Variants in APBB2 observed in about 807,000 individuals in gnomAD.
APBB2 encodes the protein amyloid beta precursor protein binding family B member 2.
APBB2 carries 38 observed loss-of-function variants against 82.5 expected under a neutral mutation model. That is an observed-to-expected ratio of 0.46 (90% CI 0.36 to 0.60). The LOEUF (loss-of-function observed/expected upper bound fraction) is 0.60, where lower values mean the gene tolerates loss of function less well. APBB2 is among the 20% of genes least tolerant of loss of function. The probability of loss-of-function intolerance (pLI) is 0.00; values close to 1 mark genes in which losing one functional copy is unlikely to be tolerated. For synonymous variants in APBB2, 341 were observed against 368.2 expected (o/e 0.93, Z 0.85); for missense variants, 772 against 972.3 (o/e 0.79, Z 2.74).
intron 3 of APBB2, among the ~76,000 whole-genome samples, chr4:41,078,153 G>A (rs917741757): frequency 6.6e-6 from 1 of 151,914 alleles, no homozygotes; most frequent in Non-Finnish European, 1.5e-5. Flanking sequence ...AAGAATAAAA[G>A]AAAGATAAAC....
At chr4:41,171,271 A>G (rs1246951915) in intron 1 of APBB2, among the ~76,000 whole-genome samples, 1 of 152,228 alleles carries the variant, frequency 6.6e-6, no homozygotes, top group African/African-American at 2.4e-5. Flanking sequence ...CATAGCTGAG[A>G]GCCAGCCCCT....
chr4:40,814,452 G>C lies in APBB2; in HGVS notation c.*1640C>G, dbSNP rs1358884851. ...TTTGGGAGCCGTGGGTCCTAGTCCT[G>C]GTTTTCATGAACTTTGGTGAGATCT... is the stretch of plus-strand genomic sequence containing the variant. On this transcript the variant is annotated 3_prime_UTR_variant, in exon 18 of 18. Coordinates refer to ENST00000508593, the MANE Select transcript of APBB2 (RefSeq NM_004307.2). 6.6e-6 allele frequency: 1 copy of C among 152,142 alleles called. No homozygotes were observed. Among genetic ancestry groups the C allele is most frequent in the Non-Finnish European group, 1.5e-5 (1 of 68,032 alleles). 9.4% of individuals were successfully genotyped at this position (152,142 alleles called of 1,614,324 possible). A position where few individuals can be genotyped will look rare whatever the true frequency, so the allele number is the denominator to read the frequency against.
chr4:41,144,333 T>C (rs1760089708), intron 1 of APBB2, among the ~76,000 whole-genome samples: 1 of 152,220 alleles, frequency 6.6e-6, no homozygotes, highest in African/African-American at 2.4e-5. Context: ...TATCAAGTTA[T>C]ATATGTATGG....
At chr4:40,967,690 G>A (rs1794999907) in intron 6 of APBB2, among the ~76,000 whole-genome samples, 1 of 152,180 alleles carries the variant, frequency 6.6e-6, no homozygotes. Context: ...ACTTTTGGCA[G>A]GTGTGGGATC....
chr4:41,137,181 T>G (rs954784727), intron 2 of APBB2, among the ~76,000 whole-genome samples: 4 of 152,192 alleles, frequency 2.6e-5, no homozygotes, highest in African/African-American at 9.6e-5. Flanking sequence ...GGTTTTCTAT[T>G]TAGTAAAATA....
intron 10 of APBB2, among the ~76,000 whole-genome samples, chr4:40,894,565 CAAAT>C (rs1265902881): frequency 1.3e-5 from 2 of 152,162 alleles, no homozygotes; most frequent in African/African-American, 4.8e-5. Context: ...CTCATGATAA[CAAAT>C]AAGTGCCAGG....
chr4:40,978,007 AAT>A (rs1470367574), intron 6 of APBB2, among the ~76,000 whole-genome samples: 2 of 152,360 alleles, frequency 1.3e-5, no homozygotes, highest in Middle Eastern at 3.4e-3. Flanking sequence ...CTCTCGTGTA[AAT>A]ATAATAGAAA....
At chr4:41,094,643 C>A (rs1372806776) in intron 3 of APBB2, among the ~76,000 whole-genome samples, 1 of 152,216 alleles carries the variant, frequency 6.6e-6, no homozygotes, top group Non-Finnish European at 1.5e-5. Flanking sequence ...TGGCTCACCA[C>A]AACCTCTGTC....
In APBB2 at chr4:40,826,985, GA is replaced by G; in HGVS notation, c.1732+146del. Reference sequence around the variant, plus strand: ...CAAAATCAACTCTGTGCCTCTGTGAGACCCAGCGTGCAGGCTCAACTTGTGC... The same window carrying G: ...CAAAATCAACTCTGTGCCTCTGTGAGCCCAGCGTGCAGGCTCAACTTGTGC... On this transcript the variant is annotated intron_variant, in intron 14 of 17. Coordinates refer to ENST00000508593, the MANE Select transcript of APBB2 (RefSeq NM_004307.2). This position sits in a 1 kb window ranked among gnomAD's most constrained non-coding sequence, Gnocchi z 4.5. 1.5e-6 allele frequency: 1 copy of G among 678,934 alleles called. No homozygotes were observed. The allele number at this position is 678,934 out of a possible 1,614,324, so 42.1% of individuals were successfully genotyped here.
intron 3 of APBB2, among the ~76,000 whole-genome samples, chr4:41,099,572 C>A (rs935000801): frequency 2.0e-5 from 3 of 152,072 alleles, no homozygotes; most frequent in South Asian, 2.1e-4. Flanking sequence ...ATAATTATTA[C>A]AAAATAAAAC....
At chr4:41,043,812 T>A (rs1310464460) in intron 4 of APBB2, among the ~76,000 whole-genome samples, 2 of 152,246 alleles carry the variant, frequency 1.3e-5, no homozygotes, top group Non-Finnish European at 2.9e-5. Flanking sequence ...TTAATCTACA[T>A]CGCCTCTATC....
At chr4:41,153,157 C>A (rs1762682878) in intron 1 of APBB2, among the ~76,000 whole-genome samples, 1 of 152,116 alleles carries the variant, frequency 6.6e-6, no homozygotes, top group Non-Finnish European at 1.5e-5. Flanking sequence ...TTCAGGTAAC[C>A]TATCTTTTGT....
chr4:40,982,378 GGAAGGAAGGAAGGAAAGGAAAGGAAA>G (rs1799128646), intron 6 of APBB2, among the ~76,000 whole-genome samples: 1 of 12,352 alleles, frequency 8.1e-5, no homozygotes. Flanking sequence ...AAGGAAGGAA[GGAAGGAAGGAAGGAAAGGAAAGGAAA>G]GAAAGAAAGA....
Position 40,863,063 on chromosome 4 carries a change from A to G in APBB2, c.1529+27301T>C, listed in dbSNP as rs113531341. Among the ~76,000 whole-genome samples the G allele has an allele frequency of 1.4e-4, 21 of 152,348 alleles. 1 individual carries two copies. Among genetic ancestry groups the G allele is most frequent in the African/African-American group, 4.6e-4 (19 of 41,584 alleles). On this transcript the variant is annotated intron_variant, in intron 12 of 17. Transcript: ENST00000508593. ...GTGTCAGAGGAGAAAGTCAGATGAC[A>G]GATAAAGACACTGGAGGATGGGATG...
intron 10 of APBB2, among the ~76,000 whole-genome samples, chr4:40,909,563 A>G (rs1777990456): frequency 6.6e-6 from 1 of 152,224 alleles, no homozygotes; most frequent in Admixed American, 6.5e-5. Context: ...CCAGGCTGGC[A>G]TTATGAGTCC....
chr4:40,941,817 TG>T (rs752870681), intron 7 of APBB2, among the ~76,000 whole-genome samples: 27 of 151,462 alleles, frequency 1.8e-4, no homozygotes, highest in Non-Finnish European at 1.8e-4. Context: ...TTTTTTTTTT[TG>T]TAGAGATGGG....
At chr4:40,978,965 A>C (rs62412063) in intron 6 of APBB2, among the ~76,000 whole-genome samples, 8,565 of 152,228 alleles carry the variant, frequency 0.056, 318 homozygotes, top group South Asian at 0.12. Flanking sequence ...ACACAGGAAA[A>C]GTAATGATAG....
At chr4:40,982,231 AAAGAAAGAAAG>A (rs1415773587) in intron 6 of APBB2, among the ~76,000 whole-genome samples, 72 of 6,456 alleles carry the variant, frequency 0.011, 5 homozygotes, top group African/African-American at 0.023. Flanking sequence ...GGAAAGAAAG[AAAGAAAGAAAG>A]AAAGAAAGAA....
chr4:40,845,686 A>C (rs1577910503), intron 12 of APBB2, among the ~76,000 whole-genome samples: 1 of 149,898 alleles, frequency 6.7e-6, no homozygotes, highest in Non-Finnish European at 1.5e-5. Context: ...TCCCTGGCAC[A>C]GCCACCTACT....
Sources: allele counts gnomAD v4.1 joint callset (sites outside exome capture counted in the v4.1 genomes callset), GRCh38; gene constraint gnomAD v4.1.1; non-coding constraint Gnocchi (gnomAD v3.1); transcripts MANE v1.5; gene names NCBI Gene and HGNC (gene_info 2026-07-23, HGNC 2026-07-21).